The following ERICH1 variants were observed in gnomAD, a reference collection of about 807,000 sequenced individuals.
ERICH1 encodes glutamate rich 1, also known as glutamate-rich protein 1.
In ERICH1, 56 loss-of-function variants were observed where a neutral mutation model predicts 39.6. The ratio of observed to expected loss-of-function variants is 1.41; its 90% CI spans 1.14 to 1.77. ERICH1 has a LOEUF of 1.77. Among genes scored for constraint, ERICH1 ranks in the 40% most tolerant of loss-of-function variants. ERICH1 has a pLI of 0.00. For synonymous variants in ERICH1, 313 were observed against 223.6 expected (o/e 1.40, Z -3.57); for missense variants, 826 against 575.4 (o/e 1.44, Z -4.45).
At chr8:634,037 G>A (rs924273156) in intron 3 of ERICH1, among the ~76,000 whole-genome samples, 8 of 152,110 alleles carry the variant, frequency 5.3e-5, no homozygotes, top group African/African-American at 1.9e-4. Context: ...GGACTGCGTG[G>A]AAACAAAAAC....
intron 3 of ERICH1, among the ~76,000 whole-genome samples, chr8:684,079 T>G (rs918004605): frequency 1.3e-5 from 2 of 152,256 alleles, no homozygotes; most frequent in East Asian, 3.8e-4. Context: ...AACAGCTTGA[T>G]AGATACTTTT....
chr8:723,414 T>C (rs569917251), intron 1 of ERICH1, among the ~76,000 whole-genome samples: 2 of 152,208 alleles, frequency 1.3e-5, no homozygotes, highest in Non-Finnish European at 2.9e-5. Flanking sequence ...AACAGAAAAG[T>C]GATTAGATTT....
At chr8:617,526 T>C (rs867845236) in intron 3 of ERICH1, among the ~76,000 whole-genome samples, 1 of 152,078 alleles carries the variant, frequency 6.6e-6, no homozygotes, top group African/African-American at 2.4e-5. Context: ...GCTTGGTCCA[T>C]CCTCACTGCC....
chr8:649,907 T>C lies in ERICH1; in HGVS notation c.976+18691A>G, dbSNP rs558558731. 2.7e-3 allele frequency among the ~76,000 whole-genome samples: 410 copies of C among 152,184 alleles called. 3 individuals carry two copies. The highest frequency in any genetic ancestry group is 9.2e-3 in the African/African-American group (384 of 41,530). ...AGTGGCCCCAGGTTGGGAGGAGACG[T>C]GACAGGACCGGGCCTGGGGAAGCGT... On this transcript the variant is annotated intron_variant, in intron 3 of 3. Transcript: ENST00000522706.
At chr8:676,498 C>A (rs1486365349) in intron 3 of ERICH1, among the ~76,000 whole-genome samples, 1 of 149,310 alleles carries the variant, frequency 6.7e-6, no homozygotes, top group African/African-American at 2.5e-5. Context: ...CGCGGCGGCC[C>A]CTCGTGAGGA....
rs565335941 is a variant in ERICH1, at chr8:653,703, G to T, written c.976+14895C>A. 6.0e-4 allele frequency among the ~76,000 whole-genome samples: 92 copies of T among 152,278 alleles called. 1 individual carries two copies. The highest frequency in any genetic ancestry group is 2.2e-3 in the African/African-American group (91 of 41,548). On this transcript the variant is annotated intron_variant, in intron 3 of 3. Coordinates refer to the ERICH1 transcript ENST00000522706. Reference sequence around the variant, plus strand: ...TGATCCAGCCTTAAAAAAGAAGGGAGTCTGGACACAGGCTATAACACGAGG... The same window carrying T: ...TGATCCAGCCTTAAAAAAGAAGGGATTCTGGACACAGGCTATAACACGAGG...
chr8:709,344 G>A (rs1167853489), intron 2 of ERICH1, among the ~76,000 whole-genome samples: 1 of 152,180 alleles, frequency 6.6e-6, no homozygotes, highest in African/African-American at 2.4e-5. Flanking sequence ...CGAGGGAACC[G>A]AAGCAGGGGC....
intron 2 of ERICH1, among the ~76,000 whole-genome samples, chr8:699,838 G>GGCGCACAGACCCGCACAC (rs1554519888): frequency 0.47 from 26,558 of 56,550 alleles, 5,697 homozygotes; most frequent in Non-Finnish European, 0.53. Context: ...GACCCGCACA[G>GGCGCACAGACCCGCACAC]GCGCACAGAC....
At chr8:693,187 G>C (rs1443414801) in intron 2 of ERICH1, among the ~76,000 whole-genome samples, 1 of 150,398 alleles carries the variant, frequency 6.6e-6, no homozygotes, top group Non-Finnish European at 1.5e-5. Flanking sequence ...ACACACACAG[G>C]GACAACAAAC....
At position 677,289 on chromosome 8, in the gene ERICH1, G is replaced by C. The variant is rs562262833; in HGVS notation, c.305-3242C>G. The stretch of plus-strand genomic sequence containing the variant: ...GTAGACACCCCCCAGCTCTGTTCAC[G>C]GTCAAACTGAACGCCGCTGTGGAAC... On this transcript the variant is annotated intron_variant, in intron 3 of 5. Transcript: ENST00000262109. Among the ~76,000 whole-genome samples the C allele has an allele frequency of 4.6e-5, 7 of 152,340 alleles. No homozygotes were observed. The South Asian group carries it at 1.5e-3, about 32-fold the overall frequency.
intron 3 of ERICH1, among the ~76,000 whole-genome samples, chr8:651,985 G>A (rs893007661): frequency 2.6e-5 from 4 of 152,190 alleles, no homozygotes; most frequent in Non-Finnish European, 4.4e-5. Context: ...TTTGCAACCC[G>A]AATGAAGGCA....
chr8:634,127 A>C (rs1434949883), intron 3 of ERICH1, among the ~76,000 whole-genome samples: 1 of 150,686 alleles, frequency 6.6e-6, no homozygotes, highest in East Asian at 2.0e-4. Flanking sequence ...TGCATCTAGT[A>C]AGGGGTTAAA....
chr8:705,350 G>A (rs77699383), intron 2 of ERICH1, among the ~76,000 whole-genome samples: 4,232 of 152,284 alleles, frequency 0.028, 221 homozygotes, highest in African/African-American at 0.097. Flanking sequence ...AGTGACCCAC[G>A]GTTCTTACGT....
chr8:724,476 C>T (rs916311204), intron 1 of ERICH1, among the ~76,000 whole-genome samples: 2 of 152,146 alleles, frequency 1.3e-5, no homozygotes, highest in African/African-American at 2.4e-5. Flanking sequence ...ACACACCCAG[C>T]GGGATGCGAG....
chr8:694,461 G>C (rs2132090744), intron 2 of ERICH1, among the ~76,000 whole-genome samples: 1 of 152,348 alleles, frequency 6.6e-6, no homozygotes, highest in Non-Finnish European at 1.5e-5. Context: ...GATGGACACG[G>C]GAGGGATCAG....
intron 3 of ERICH1, among the ~76,000 whole-genome samples, chr8:676,999 T>C (rs900929351): frequency 1.3e-5 from 2 of 152,242 alleles, no homozygotes; most frequent in Non-Finnish European, 2.9e-5. Context: ...TGAGTTCCTC[T>C]TCCACAATGA....
At chr8:615,132 C>T (rs2116983778) in exon 4 of ERICH1, 1 of 610,728 alleles carries the variant, frequency 1.6e-6, no homozygotes, top group Non-Finnish European at 2.9e-6. Context: ...CTTGGGCTCC[C>T]GGTCCACTGC....
intron 3 of ERICH1, among the ~76,000 whole-genome samples, chr8:633,305 C>CA (rs1798169883): frequency 6.6e-6 from 1 of 152,126 alleles, no homozygotes. Context: ...ATTGCCATAA[C>CA]AAAAAATGAA....
At chr8:701,292 A>G (rs1812072161) in intron 2 of ERICH1, among the ~76,000 whole-genome samples, 1 of 151,520 alleles carries the variant, frequency 6.6e-6, no homozygotes, top group South Asian at 2.1e-4. Context: ...GCCCCGCCGG[A>G]CGGGAGCACG....
Sources: allele counts gnomAD v4.1 joint callset (sites outside exome capture counted in the v4.1 genomes callset), GRCh38; gene constraint gnomAD v4.1.1; transcripts MANE v1.5; gene names NCBI Gene and HGNC (gene_info 2026-07-23, HGNC 2026-07-21).